Variants in REDIC1 observed in about 807,000 individuals in gnomAD.
REDIC1 encodes the protein HEI10 Interacting Protein 1.
chr12:39,868,536 T>C, the REDIC1 span, among the ~76,000 whole-genome samples: 1 of 152,198 alleles, frequency 6.6e-6, no homozygotes, highest in African/African-American at 2.4e-5. Flanking sequence ...GTTTAGTAGA[T>C]CTGGGTTAAG....
At chr12:39,761,569 G>T in the REDIC1 span, among the ~76,000 whole-genome samples, 4 of 151,890 alleles carry the variant, frequency 2.6e-5, no homozygotes, top group Admixed American at 2.6e-4. Flanking sequence ...TAATTAATTG[G>T]GATGTTTTTA....
the REDIC1 span, among the ~76,000 whole-genome samples, chr12:39,776,313 G>A: frequency 2.0e-5 from 3 of 152,038 alleles, no homozygotes; most frequent in Non-Finnish European, 2.9e-5. Flanking sequence ...CACCTCTGCC[G>A]ACAGCTGAGT....
chr12:39,646,491 G>T, the REDIC1 span: 1 of 1,539,780 alleles, frequency 6.5e-7, no homozygotes, highest in Non-Finnish European at 8.8e-7. Context: ...TATATTATTA[G>T]GTGTTTAAAC....
chr12:39,726,313 G>GC, the REDIC1 span, among the ~76,000 whole-genome samples: 1 of 151,548 alleles, frequency 6.6e-6, no homozygotes, highest in African/African-American at 2.4e-5. Context: ...CCCTCCCCTA[G>GC]CCCCCCACAC....
chr12:39,636,049 A>AT, the REDIC1 span, among the ~76,000 whole-genome samples: 4 of 151,854 alleles, frequency 2.6e-5, no homozygotes, highest in East Asian at 1.9e-4. Context: ...GAGTATATTC[A>AT]TTTTTTTTCT....
At chr12:39,862,389 C>T in the REDIC1 span, among the ~76,000 whole-genome samples, 1 of 152,160 alleles carries the variant, frequency 6.6e-6, no homozygotes, top group African/African-American at 2.4e-5. Context: ...ATACTCATCA[C>T]TGTGGTCTAT....
chr12:39,771,267 G>C, the REDIC1 span, among the ~76,000 whole-genome samples: 1 of 152,034 alleles, frequency 6.6e-6, no homozygotes, highest in Non-Finnish European at 1.5e-5. Context: ...AGTGACCTTG[G>C]ATTTGCTTCC....
the REDIC1 span, among the ~76,000 whole-genome samples, chr12:39,668,936 A>T: frequency 5.5e-5 from 8 of 144,708 alleles, no homozygotes; most frequent in African/African-American, 2.0e-4. Context: ...TGCATTGGTT[A>T]TTCTAGTTGG....
the REDIC1 span, chr12:39,683,180 T>C: frequency 3.3e-6 from 5 of 1,511,288 alleles, no homozygotes; most frequent in Non-Finnish European, 3.6e-6. Flanking sequence ...CATATTCTTT[T>C]TTTCTTTCAG....
the REDIC1 span, among the ~76,000 whole-genome samples, chr12:39,653,524 CTTCTTCTT>C: frequency 1.7e-5 from 1 of 57,752 alleles, no homozygotes; most frequent in African/African-American, 5.1e-5. Context: ...TCTTCTTCTT[CTTCTTCTT>C]CTTCTTTTTC....
chr12:39,675,773 C>T, the REDIC1 span, among the ~76,000 whole-genome samples: 1 of 152,198 alleles, frequency 6.6e-6, no homozygotes, highest in Non-Finnish European at 1.5e-5. Context: ...TGGATCACCT[C>T]ATCACATCAC....
the REDIC1 span, among the ~76,000 whole-genome samples, chr12:39,722,509 C>A: frequency 2.0e-5 from 3 of 152,058 alleles, no homozygotes; most frequent in African/African-American, 7.2e-5. Context: ...GCAGTGAACA[C>A]TGATACATAG....
At chr12:39,728,698 T>C in the REDIC1 span, among the ~76,000 whole-genome samples, 1 of 152,050 alleles carries the variant, frequency 6.6e-6, no homozygotes, top group African/African-American at 2.4e-5. Flanking sequence ...TTTCTATTGT[T>C]TGGAGTAGTT....
chr12:39,764,490 A>G, the REDIC1 span: 1 of 1,605,752 alleles, frequency 6.2e-7, no homozygotes, highest in Non-Finnish European at 8.5e-7. Context: ...GCTGTGTGTA[A>G]AAATGTTAGT....
At chr12:39,887,144 C>T in the REDIC1 span, among the ~76,000 whole-genome samples, 3 of 152,122 alleles carry the variant, frequency 2.0e-5, no homozygotes, top group African/African-American at 7.2e-5. Context: ...ATATTTAACA[C>T]TTTAAATTTT....
chr12:39,850,435 T>G, the REDIC1 span, among the ~76,000 whole-genome samples: 8 of 152,170 alleles, frequency 5.3e-5, no homozygotes, highest in African/African-American at 1.7e-4. Flanking sequence ...GAAGATCACT[T>G]TAGTATACAC....
the REDIC1 span, among the ~76,000 whole-genome samples, chr12:39,880,937 C>G: frequency 6.6e-6 from 1 of 152,192 alleles, no homozygotes. Flanking sequence ...TACATGCCCA[C>G]TGGACATTGA....
the REDIC1 span, among the ~76,000 whole-genome samples, chr12:39,700,960 C>T: frequency 4.7e-4 from 71 of 150,338 alleles, 1 homozygote; most frequent in East Asian, 9.0e-3. Context: ...AAGGAACAAC[C>T]GGTACCAGCC....
At chr12:39,726,838 G>A in the REDIC1 span, among the ~76,000 whole-genome samples, 3 of 152,062 alleles carry the variant, frequency 2.0e-5, no homozygotes, top group Non-Finnish European at 4.4e-5. Context: ...CTTTCCTGAC[G>A]TTTTAATAAT....
Sources: gnomAD v4.1 joint callset for allele counts (sites outside exome capture counted in the v4.1 genomes callset) on GRCh38, gnomAD v4.1.1 for gene constraint, MANE v1.5 for transcripts, NCBI Gene and HGNC (gene_info 2026-07-23, HGNC 2026-07-21) for gene names.